TENT2: variants seen among roughly 807,000 people sequenced by gnomAD.
TENT2 encodes poly(A) RNA polymerase GLD2.
Under a neutral mutation model 72.2 loss-of-function variants are expected in TENT2, and 44 were observed. The ratio of observed to expected loss-of-function variants is 0.61; its 90% confidence interval spans 0.48 to 0.78. The LOEUF is 0.78. TENT2 is among the 30% of genes least tolerant of loss of function. The probability of loss-of-function intolerance (pLI) is 0.00; values close to 1 mark genes in which losing one functional copy is unlikely to be tolerated. For missense variants in TENT2, 541 were observed against 569.6 expected (o/e 0.95, Z 0.51); for synonymous variants, 212 against 192.5 (o/e 1.10, Z -0.84).
chr5:79,674,001 A>G (rs1171416775), intron 12 of TENT2, among the ~76,000 whole-genome samples: 5 of 152,242 alleles, frequency 3.3e-5, no homozygotes, highest in Admixed American at 2.6e-4. Context: ...GTATTGTTAA[A>G]TGACACAATA....
chr5:79,675,086 G>GA (rs1430872583), intron 12 of TENT2, among the ~76,000 whole-genome samples: 3 of 152,036 alleles, frequency 2.0e-5, no homozygotes, highest in Admixed American at 1.3e-4. Context: ...CTCTAGAGCA[G>GA]AAAAAAACAG....
chr5:79,633,721 G>GTT (rs10565563), intron 4 of TENT2, among the ~76,000 whole-genome samples: 18 of 130,274 alleles, frequency 1.4e-4, no homozygotes, highest in Admixed American at 3.0e-4. Context: ...AGGCTAAAAA[G>GTT]TTTTTTTTTT....
At chr5:79,677,474 G>A (rs1818139043) in intron 12 of TENT2, among the ~76,000 whole-genome samples, 1 of 152,158 alleles carries the variant, frequency 6.6e-6, no homozygotes, top group South Asian at 2.1e-4. Context: ...GGAAATAAAA[G>A]TTGTAATTTA....
intron 11 of TENT2, among the ~76,000 whole-genome samples, chr5:79,658,548 G>A (rs2150348492): frequency 6.6e-6 from 1 of 152,054 alleles, no homozygotes; most frequent in Admixed American, 6.5e-5. Flanking sequence ...TCTCTTGTTT[G>A]TACTGAAAGG....
chr5:79,673,648 T>C (rs186880967), intron 12 of TENT2, among the ~76,000 whole-genome samples: 1 of 152,364 alleles, frequency 6.6e-6, no homozygotes, highest in Admixed American at 6.5e-5. Flanking sequence ...TCCATTGGTC[T>C]ATGTGTCTGT....
chr5:79,642,300 A>T (rs899218152), intron 6 of TENT2, among the ~76,000 whole-genome samples: 1 of 152,060 alleles, frequency 6.6e-6, no homozygotes, highest in Non-Finnish European at 1.5e-5. Context: ...GAGAAAGTTT[A>T]AAAAAACTCA....
In TENT2 at chr5:79,637,473, C is replaced by T. The variant is rs192473327; in HGVS notation, c.466-3378C>T. ...ACAAGGTCTCCCTCTGTTGCCCAGG[C>T]TGGAGTACAGTGGTGTGATCATGGC... On this transcript the variant is annotated intron_variant, in intron 4 of 14. Coordinates refer to ENST00000453514, the MANE Select transcript of TENT2 (RefSeq NM_001114394.3). Among the ~76,000 whole-genome samples the T allele has an allele frequency of 2.8e-3, 420 of 152,200 alleles. 1 individual carries two copies. Among genetic ancestry groups the T allele is most frequent in the South Asian group, 8.1e-3 (39 of 4,824 alleles).
chr5:79,642,228 A>G (rs531343069), intron 6 of TENT2, among the ~76,000 whole-genome samples: 19 of 152,174 alleles, frequency 1.2e-4, no homozygotes, highest in Admixed American at 3.9e-4. Context: ...TAGTTACTGC[A>G]AGTCAGAAAG....
chr5:79,663,472 G>A (rs1460058604), intron 11 of TENT2, among the ~76,000 whole-genome samples: 4 of 152,056 alleles, frequency 2.6e-5, no homozygotes, highest in Admixed American at 6.6e-5. Context: ...TCACTTGGTC[G>A]GCCATTGTAG....
intron 11 of TENT2, among the ~76,000 whole-genome samples, chr5:79,665,040 A>G (rs778141765): frequency 3.3e-5 from 5 of 152,220 alleles, no homozygotes; most frequent in African/African-American, 1.2e-4. Flanking sequence ...ATATAATTAA[A>G]GGAAATTTTA....
At chr5:79,649,002 G>A (rs1791396739) in intron 9 of TENT2, 60 bp from the exon 10 acceptor site, 3 of 1,546,404 alleles carry the variant, frequency 1.9e-6, no homozygotes, top group Non-Finnish European at 2.7e-6. Context: ...GGGAAATGAT[G>A]TAAACTTTCA....
chr5:79,616,189 ATTTT>A (rs1229523040), intron 1 of TENT2, among the ~76,000 whole-genome samples: 24 of 88,114 alleles, frequency 2.7e-4, no homozygotes, highest in African/African-American at 9.5e-4. Context: ...ACCCGGCCTA[ATTTT>A]TTTTTTTTTT....
intron 4 of TENT2, among the ~76,000 whole-genome samples, chr5:79,634,081 G>T: frequency 6.7e-6 from 1 of 150,116 alleles, no homozygotes; most frequent in Non-Finnish European, 1.5e-5. Flanking sequence ...GCATGAACCT[G>T]GAAGGCGGAG....
rs372282466 is a variant in TENT2, at chr5:79,619,765, A to G, written c.117A>G (p.Gln39=). Residue 39 remains glutamine (Q), a synonymous_variant, in exon 2 of 15, where the codon CAA becomes CAG. Coordinates refer to ENST00000453514, the MANE Select transcript of TENT2 (RefSeq NM_001114394.3). ...VYSHQQLIDA[Q]FNFQNADLSR... ...CACACCAGCAGCTTATAGATGCACA[A>G]TTCAACTTTCAGAATGCAGAGTGAG... The G allele has an allele frequency of 9.3e-6, 15 of 1,613,138 alleles. No individual in the cohort carries two copies. Among genetic ancestry groups the G allele is most frequent in the East Asian group, 2.2e-5 (1 of 44,860 alleles).
chr5:79,677,867 A>C (rs1449755012), intron 12 of TENT2, among the ~76,000 whole-genome samples: 1 of 152,156 alleles, frequency 6.6e-6, no homozygotes, highest in Non-Finnish European at 1.5e-5. Context: ...TGGCACGATC[A>C]CAGCTTACTG....
chr5:79,674,351 CA>C (rs1699129174), intron 12 of TENT2, among the ~76,000 whole-genome samples: 1 of 152,198 alleles, frequency 6.6e-6, no homozygotes, highest in Non-Finnish European at 1.5e-5. Context: ...CACCGCACTC[CA>C]GCCCTGGGCA....
At chr5:79,619,516 A>G in intron 1 of TENT2, 96 bp from the exon 2 acceptor site, 1 of 899,502 alleles carries the variant, frequency 1.1e-6, no homozygotes. Context: ...TTGTAACTTG[A>G]TAACTAATTG....
intron 11 of TENT2, among the ~76,000 whole-genome samples, chr5:79,663,192 TAAA>T (rs1804451809): frequency 6.6e-6 from 1 of 152,218 alleles, no homozygotes; most frequent in African/African-American, 2.4e-5. Flanking sequence ...GGTTTTGGCT[TAAA>T]GAAGTATTTT....
At chr5:79,663,724 A>C (rs1451930069) in intron 11 of TENT2, among the ~76,000 whole-genome samples, 1 of 152,230 alleles carries the variant, frequency 6.6e-6, no homozygotes, top group Admixed American at 6.5e-5. Context: ...AATAATGAAA[A>C]AGTTTGAAAT....
Sources: allele counts gnomAD v4.1 joint callset (sites outside exome capture counted in the v4.1 genomes callset), GRCh38; gene constraint gnomAD v4.1.1; transcripts MANE v1.5; gene names NCBI Gene and HGNC (gene_info 2026-07-23, HGNC 2026-07-21).